CALD1: variants seen among roughly 807,000 people sequenced by gnomAD.
CALD1 encodes caldesmon.
CALD1 carries 33 observed loss-of-function variants against 99.9 expected under a neutral mutation model. That is an observed-to-expected ratio of 0.33 (90% CI 0.25 to 0.44). The LOEUF (loss-of-function observed/expected upper bound fraction) is 0.44, where lower values mean the gene tolerates loss of function less well. Among genes scored for constraint, CALD1 ranks in the 20% least tolerant of loss-of-function variants. The pLI, the probability that CALD1 is intolerant of heterozygous loss-of-function variation, is 1.00. For synonymous variants in CALD1, 310 were observed against 325.0 expected, an observed-to-expected ratio of 0.95 and a Z score of 0.50; for missense variants, 861 against 962.1, an observed-to-expected ratio of 0.89 and a Z score of 1.39.
At chr7:134,965,439 TGTA>T (rs1808601401) in intron 14 of CALD1, 53 bp downstream of exon 14, 2 of 850,794 alleles carry the variant, frequency 2.4e-6, no homozygotes, top group African/African-American at 3.3e-5. Flanking sequence ...TGATGTATGG[TGTA>T]GTATAATGTC....
chr7:134,803,259 A>G (rs181990659), intron 1 of CALD1, among the ~76,000 whole-genome samples: 27 of 152,218 alleles, frequency 1.8e-4, no homozygotes, highest in Admixed American at 9.2e-4. Context: ...GTAGGAGCTC[A>G]TTATACTTTC....
chr7:134,839,516 A>G (rs965312202), intron 1 of CALD1, among the ~76,000 whole-genome samples: 1 of 152,118 alleles, frequency 6.6e-6, no homozygotes, highest in Non-Finnish European at 1.5e-5. Context: ...TTGCCAATTT[A>G]TATTCCCATA....
chr7:134,822,598 C>T (rs1798825428), intron 1 of CALD1, among the ~76,000 whole-genome samples: 1 of 152,152 alleles, frequency 6.6e-6, no homozygotes, highest in African/African-American at 2.4e-5. Flanking sequence ...GAATCTCAAA[C>T]ATATTCTGTA....
chr7:134,961,398 G>A (rs1808252117), intron 13 of CALD1: 1 of 152,124 alleles, frequency 6.6e-6, no homozygotes, highest in African/African-American at 2.4e-5. Context: ...GTGCCCAAGG[G>A]AGCTGAGAGT....
the CALD1 span, among the ~76,000 whole-genome samples, chr7:134,729,480 C>G: frequency 6.6e-6 from 1 of 152,348 alleles, no homozygotes; most frequent in East Asian, 1.9e-4. Flanking sequence ...CAGGTAAGTA[C>G]CCATAAACGG....
intron 1 of CALD1, among the ~76,000 whole-genome samples, chr7:134,768,242 T>C (rs1796844441): frequency 6.6e-6 from 1 of 152,198 alleles, no homozygotes; most frequent in African/African-American, 2.4e-5. Flanking sequence ...TCCTCTTTCA[T>C]TTTGTCAGGT....
At chr7:134,897,899 G>C (rs1053848136) in intron 3 of CALD1, among the ~76,000 whole-genome samples, 1 of 151,820 alleles carries the variant, frequency 6.6e-6, no homozygotes, top group Admixed American at 6.6e-5. Context: ...TGTAGAGATG[G>C]GGTCTCGCTG....
chr7:134,902,121 A>G (rs1418674919), intron 3 of CALD1, among the ~76,000 whole-genome samples: 1 of 152,132 alleles, frequency 6.6e-6, no homozygotes, highest in African/African-American at 2.4e-5. Context: ...AGAGAGGCCT[A>G]TTGTGAAAAA....
At chr7:134,864,160 C>T (rs964220017) in intron 2 of CALD1, among the ~76,000 whole-genome samples, 1 of 151,986 alleles carries the variant, frequency 6.6e-6, no homozygotes, top group South Asian at 2.1e-4. Context: ...ACCAGCCTGG[C>T]CAACACGGTG....
chr7:134,857,267 C>G (rs1800351278), intron 2 of CALD1, among the ~76,000 whole-genome samples: 1 of 143,730 alleles, frequency 7.0e-6, no homozygotes. Context: ...CTCCCGGGTT[C>G]ACGCCATTCT....
intron 3 of CALD1, among the ~76,000 whole-genome samples, chr7:134,906,048 A>G (rs199693383): frequency 2.7e-5 from 4 of 147,302 alleles, no homozygotes; most frequent in Non-Finnish European, 3.0e-5. Flanking sequence ...TCCTGCCTCA[A>G]CCTCCCAAGT....
At chr7:134,916,729 C>G (rs1041817169) in intron 3 of CALD1, among the ~76,000 whole-genome samples, 1 of 152,162 alleles carries the variant, frequency 6.6e-6, no homozygotes, top group Admixed American at 6.5e-5. Context: ...ATTTTCCAAT[C>G]GCTTTATGTC....
At chr7:134,945,385 A>G (rs1351695719) in intron 7 of CALD1, among the ~76,000 whole-genome samples, 3 of 152,192 alleles carry the variant, frequency 2.0e-5, no homozygotes, top group Non-Finnish European at 4.4e-5. Flanking sequence ...GAGATGGAAT[A>G]ACATGTTCTA....
At chr7:134,954,561 A>G (rs1198440306) in intron 9 of CALD1, among the ~76,000 whole-genome samples, 1 of 152,212 alleles carries the variant, frequency 6.6e-6, no homozygotes, top group Non-Finnish European at 1.5e-5. Context: ...GCGAAATGCA[A>G]TGATGAAGTC....
chr7:134,822,697 C>G (rs182283744), intron 1 of CALD1, among the ~76,000 whole-genome samples: 1 of 152,210 alleles, frequency 6.6e-6, no homozygotes, highest in Admixed American at 6.5e-5. Context: ...TAAAACCTCT[C>G]ATCTTACCAT....
rs1336998547 is a variant in CALD1, at chr7:134,935,661, G to A, written c.1309-27G>A. On this transcript the variant is annotated intron_variant, in intron 5 of 14. Coordinates refer to ENST00000361675, the MANE Select transcript of CALD1 (RefSeq NM_033138.4). ...TAGAAAGGGCTTCTTTTACTTGTGT[G>A]ACCTTACCATTCTTGAAAATAAAAA... The A allele has an allele frequency of 4.4e-6, 7 of 1,593,632 alleles. No individual in the cohort carries two copies. The African/African-American group carries it at 6.7e-5, about 15-fold the overall frequency.
At chr7:134,923,841 CTT>C (rs1333961510) in intron 3 of CALD1, among the ~76,000 whole-genome samples, 1 of 152,196 alleles carries the variant, frequency 6.6e-6, no homozygotes, top group Non-Finnish European at 1.5e-5. Flanking sequence ...TGAGCATACT[CTT>C]AAACTCGGAA....
At chr7:134,930,905 GA>G (rs1427601124) in intron 4 of CALD1, among the ~76,000 whole-genome samples, 5 of 152,116 alleles carry the variant, frequency 3.3e-5, no homozygotes, top group Admixed American at 2.6e-4. Context: ...AGAAATAATA[GA>G]AAGAGTTTTA....
Position 134,904,230 on chromosome 7 carries a change from G to GTAAA in CALD1, c.72-24503_72-24500dup, listed in dbSNP as rs757335116. Reference sequence around the variant, plus strand: ...AGAGCAAGACACCGTCTCAAAATAAGTAAATAAATAAATAAATAAATAAAA... The same window carrying GTAAA: ...AGAGCAAGACACCGTCTCAAAATAAGTAAATAAATAAATAAATAAATAAATAAAA... On this transcript the variant is annotated intron_variant, in intron 3 of 14. Transcript: ENST00000361675. 5.6e-3 allele frequency among the ~76,000 whole-genome samples: 842 copies of GTAAA among 151,642 alleles called. 12 individuals carry two copies. The highest frequency in any genetic ancestry group is 0.018 in the African/African-American group (724 of 41,236).
Sources: allele counts gnomAD v4.1 joint callset (sites outside exome capture counted in the v4.1 genomes callset), GRCh38; gene constraint gnomAD v4.1.1; transcripts MANE v1.5; gene names NCBI Gene and HGNC (gene_info 2026-07-23, HGNC 2026-07-21).